Variants in GRK5 observed in about 807,000 individuals in gnomAD.
GRK5 encodes g protein-coupled receptor kinase GRK5.
Under a neutral mutation model 78.4 loss-of-function variants are expected in GRK5, and 40 were observed. That is an observed-to-expected ratio of 0.51 (90% CI 0.40 to 0.66). The LOEUF (loss-of-function observed/expected upper bound fraction) is 0.66, where lower values mean the gene tolerates loss of function less well. GRK5 is among the 30% of genes least tolerant of loss of function. The pLI, the probability that GRK5 is intolerant of heterozygous loss-of-function variation, is 0.00. For missense variants in GRK5, 598 were observed against 759.9 expected (o/e 0.79, Z 2.50); for synonymous variants, 289 against 296.8 (o/e 0.97, Z 0.27).
rs1260937216 is a variant in GRK5, at chr10:119,207,573, A to G, written c.-345A>G. The G allele has an allele frequency of 1.2e-5, 3 of 260,212 alleles. No individual in the cohort carries two copies. Among genetic ancestry groups the G allele is most frequent in the African/African-American group, 7.2e-5 (3 of 41,442 alleles). 16.1% of individuals were successfully genotyped at this position (260,212 alleles called of 1,614,324 possible). A position where few individuals can be genotyped will look rare whatever the true frequency, so the allele number is the denominator to read the frequency against. On this transcript the variant is annotated 5_prime_UTR_variant, in exon 1 of 16. Transcript: ENST00000392870. ...CCCGGGAGGGACTGAGGGGAGGCAG[A>G]AGCATCCGAGGCATTAAAGCATCCG...
intron 2 of GRK5, among the ~76,000 whole-genome samples, chr10:119,370,480 T>C (rs1851529182): frequency 1.3e-5 from 2 of 152,228 alleles, no homozygotes; most frequent in Non-Finnish European, 2.9e-5. Context: ...ACACCATATG[T>C]CATTTTTTAT....
chr10:119,294,524 A>G (rs1850044898), intron 1 of GRK5, among the ~76,000 whole-genome samples: 1 of 152,128 alleles, frequency 6.6e-6, no homozygotes, highest in Non-Finnish European at 1.5e-5. Flanking sequence ...TGTTCTCAGG[A>G]AAGGGCCAAG....
intron 8 of GRK5, among the ~76,000 whole-genome samples, chr10:119,432,039 C>T (rs915119): frequency 0.34 from 51,472 of 152,062 alleles, 8,937 homozygotes; most frequent in East Asian, 0.4. Flanking sequence ...CTGTCACTCA[C>T]CTGAAGTCCA....
chr10:119,353,942 T>TC (rs531459000), intron 2 of GRK5, among the ~76,000 whole-genome samples: 5 of 149,254 alleles, frequency 3.3e-5, no homozygotes, highest in Admixed American at 6.7e-5. Flanking sequence ...CTTTTTTTTT[T>TC]TTTTTTTTTT....
At chr10:119,291,932 T>TTTCCTCCTCTTTTGCCTCCTTCTC (rs1564879463) in intron 1 of GRK5, among the ~76,000 whole-genome samples, 1 of 89,406 alleles carries the variant, frequency 1.1e-5, no homozygotes. Context: ...TCCTCCTTCT[T>TTTCCTCCTCTTTTGCCTCCTTCTC]TTCCTCCTCT....
intron 4 of GRK5, 69 bp downstream of exon 4, chr10:119,396,841 T>A: frequency 7.5e-6 from 9 of 1,206,526 alleles, no homozygotes; most frequent in Non-Finnish European, 1.1e-5. Flanking sequence ...AGCCCCTAAG[T>A]CTGTGCCAGG....
rs1239538495 is a variant in GRK5, at chr10:119,207,913, T to C, written c.-5T>C. The C allele has an allele frequency of 3.8e-6, 6 of 1,598,892 alleles. No homozygotes were observed. The Admixed American group carries it at 1.0e-4, about 27-fold the overall frequency. ...GCCGGCTCCGTTGCTGACCGCCGAC[T>C]GTCAATGGAGCTGGAAAACATCGTG... On this transcript the variant is annotated 5_prime_UTR_variant, in exon 1 of 16. Coordinates refer to ENST00000392870, the MANE Select transcript of GRK5 (RefSeq NM_005308.3).
chr10:119,383,207 C>T (rs1490726677), intron 3 of GRK5, among the ~76,000 whole-genome samples: 2 of 152,222 alleles, frequency 1.3e-5, no homozygotes, highest in East Asian at 3.8e-4. Flanking sequence ...AGGCGTGAGC[C>T]ACCGCGCCTG....
intron 4 of GRK5, 91 bp downstream of exon 4, chr10:119,396,863 G>C: frequency 1.1e-6 from 1 of 928,842 alleles, no homozygotes. Flanking sequence ...CACATGGGGA[G>C]CTGTTAAGTG....
chr10:119,436,280 G>A (rs1472794063), intron 8 of GRK5, among the ~76,000 whole-genome samples: 1 of 152,222 alleles, frequency 6.6e-6, no homozygotes. Context: ...ACCCAAAAGG[G>A]CAAGTGAGCC....
intron 1 of GRK5, chr10:119,212,828 C>A (rs968842683): frequency 5.9e-5 from 9 of 152,160 alleles, no homozygotes; most frequent in Admixed American, 4.6e-4. Context: ...CCTCAGCACC[C>A]ATTTCTCACA....
rs940366446 is a variant in GRK5, at chr10:119,277,181, C to T, written c.53-49335C>T. On this transcript the variant is annotated intron_variant, in intron 1 of 15. Transcript: ENST00000392870. ...TTGGGATTCTCTTGCTGGGTGCTGC[C>T]GCACCTTGTGTGTCGGGTGCCGACA... Among the ~76,000 whole-genome samples the T allele has an allele frequency of 3.3e-5, 5 of 152,130 alleles. No homozygotes were observed. The East Asian group carries it at 9.7e-4, about 29-fold the overall frequency.
chr10:119,417,707 G>A (rs994237824), intron 4 of GRK5, among the ~76,000 whole-genome samples: 24 of 152,150 alleles, frequency 1.6e-4, no homozygotes, highest in Admixed American at 1.3e-3. Context: ...GGCATGATAC[G>A]GTTTAGGGTC....
chr10:119,419,793 G>A (rs184699596), intron 4 of GRK5, among the ~76,000 whole-genome samples: 4 of 152,300 alleles, frequency 2.6e-5, no homozygotes, highest in East Asian at 1.9e-4. Flanking sequence ...CCCTTATTCC[G>A]TCTTCTATAA....
At chr10:119,380,589 T>G (rs1851694894) in intron 2 of GRK5, among the ~76,000 whole-genome samples, 1 of 152,208 alleles carries the variant, frequency 6.6e-6, no homozygotes, top group Non-Finnish European at 1.5e-5. Context: ...AGCATTGGAC[T>G]GGGGGTGTGG....
chr10:119,342,919 C>T (rs117284910), intron 2 of GRK5, among the ~76,000 whole-genome samples: 1 of 152,326 alleles, frequency 6.6e-6, no homozygotes, highest in East Asian at 1.9e-4. Flanking sequence ...TCATCTCATT[C>T]ATCCTTCTGC....
At chr10:119,222,417 A>G (rs933900629) in intron 1 of GRK5, among the ~76,000 whole-genome samples, 3 of 151,946 alleles carry the variant, frequency 2.0e-5, no homozygotes. Flanking sequence ...TCCTGAGGTC[A>G]TTTGCCCTGT....
intron 2 of GRK5, among the ~76,000 whole-genome samples, chr10:119,359,828 G>C (rs529644212): frequency 7.9e-5 from 12 of 152,312 alleles, no homozygotes; most frequent in East Asian, 1.9e-4. Context: ...ATGTTCCCGG[G>C]GGGGAGGTGT....
chr10:119,275,613 G>GCGCACACACACACACACACA (rs1195537574), intron 1 of GRK5, among the ~76,000 whole-genome samples: 55 of 120,750 alleles, frequency 4.6e-4, no homozygotes, highest in Admixed American at 1.0e-3. Context: ...TCTCTCTCTC[G>GCGCACACACACACACACACA]CACACACACA....
Sources: gnomAD v4.1 joint callset for allele counts (sites outside exome capture counted in the v4.1 genomes callset) on GRCh38, gnomAD v4.1.1 for gene constraint, MANE v1.5 for transcripts, NCBI Gene and HGNC (gene_info 2026-07-23, HGNC 2026-07-21) for gene names.